TLE3: variants seen among roughly 807,000 people sequenced by gnomAD.
The protein encoded by TLE3 is transducin-like enhancer protein 3.
Under a neutral mutation model 93.0 loss-of-function variants are expected in TLE3, and 14 were observed. The observed-to-expected ratio is 0.15, with a 90% confidence interval of 0.10 to 0.24. TLE3 has a LOEUF of 0.24. Among genes scored for constraint, TLE3 ranks in the 10% least tolerant of loss-of-function variants. The probability of loss-of-function intolerance (pLI) is 1.00; values close to 1 mark genes in which losing one functional copy is unlikely to be tolerated. For missense variants in TLE3, 693 were observed against 1,046.6 expected, an observed-to-expected ratio of 0.66 and a Z score of 4.66; for synonymous variants, 451 against 425.0, an observed-to-expected ratio of 1.06 and a Z score of -0.75.
chr15:70,056,332 G>A lies in TLE3; in HGVS notation c.1294C>T (p.Pro432Ser), dbSNP rs757962171. 1.2e-6 allele frequency: 2 copies of A among 1,613,706 alleles called. No homozygotes were observed. Among genetic ancestry groups the A allele is most frequent in the East Asian group, 2.2e-5 (1 of 44,882 alleles). The change falls in exon 14 of 20, where the codon CCC (proline) becomes TCC (serine). Residue 432 changes from proline to serine, a missense_variant. Physicochemically the swap from Pro to Ser is moderately conservative, Grantham distance 74. Around this residue, in one of 4 missense-constraint regions of TLE3, gnomAD observed 405 missense variants for 468.9 expected, o/e 0.86. Coordinates refer to ENST00000451782, the MANE Select transcript of TLE3 (RefSeq NM_001105192.3). ...CCAGGAATGGAGGCCAGGCTTGAGG[G>A]GAGGCCTGTGGCCCGCATCGGGGGG... ...PHPPMRATGLPSSLASIPGGK... is the reference protein window; with the variant it reads ...PHPPMRATGLSSSLASIPGGK...
chr15:70,053,138 G>C, intron 17 of TLE3, 89 bp downstream of exon 17: 1 of 1,488,448 alleles, frequency 6.7e-7, no homozygotes, highest in Non-Finnish European at 9.0e-7. Context: ...CACTCTGTGA[G>C]GGTCCCTTTG....
At chr15:70,095,986 C>G (rs993767576) in intron 2 of TLE3, 175 bp downstream of exon 2, 3 of 796,616 alleles carry the variant, frequency 3.8e-6, no homozygotes, top group African/African-American at 3.5e-5. Flanking sequence ...CGGGCTGCTG[C>G]GGGCAGTAAA....
At chr15:70,052,971 A>T in intron 17 of TLE3, 8 of 463,536 alleles carry the variant, frequency 1.7e-5, no homozygotes, top group South Asian at 1.4e-4. Context: ...GAGGACGCCG[A>T]GGACAAAGTG....
chr15:70,075,609 C>T (rs2057402124), intron 5 of TLE3, among the ~76,000 whole-genome samples: 1 of 152,186 alleles, frequency 6.6e-6, no homozygotes, highest in African/African-American at 2.4e-5. Context: ...GTCTGGTCGG[C>T]ACCAGGGGGC....
In TLE3 at chr15:70,047,876, C is replaced by A. The variant is rs905882445; in HGVS notation, c.*2221G>T. The A allele has an allele frequency of 2.6e-5, 4 of 152,188 alleles. No individual in the cohort carries two copies. Among genetic ancestry groups the A allele is most frequent in the South Asian group, 2.1e-4 (1 of 4,832 alleles). The allele number at this position is 152,188 out of a possible 1,614,324, so 9.4% of individuals were successfully genotyped here. A position where few individuals can be genotyped will look rare whatever the true frequency, so the allele number is the denominator to read the frequency against. On this transcript the variant is annotated 3_prime_UTR_variant, in exon 20 of 20. Coordinates refer to ENST00000451782, the MANE Select transcript of TLE3 (RefSeq NM_001105192.3). ...CAATACTTTGGTGTTAACCTGTGGT[C>A]TTCCTTCACCTCAGTGAACTCTGCC...
chr15:70,072,288 T>TA (rs1254072359), intron 6 of TLE3, among the ~76,000 whole-genome samples: 2 of 152,090 alleles, frequency 1.3e-5, no homozygotes, highest in Admixed American at 6.6e-5. Flanking sequence ...TCTTAAAACT[T>TA]AAAAAAAATT....
At chr15:70,083,614 A>G (rs1262801619) in intron 4 of TLE3, among the ~76,000 whole-genome samples, 1 of 142,570 alleles carries the variant, frequency 7.0e-6, no homozygotes, top group Non-Finnish European at 1.5e-5. Flanking sequence ...TCCTGCCAGG[A>G]GGAAAAATTC....
At chr15:70,051,360 C>G in intron 19 of TLE3, 31 bp downstream of exon 19, 1 of 1,582,488 alleles carries the variant, frequency 6.3e-7, no homozygotes, top group African/African-American at 1.3e-5. Flanking sequence ...CTGGGTAGAA[C>G]CCAGAGGAGG....
rs74945483 is a variant in TLE3 at position 70,075,060 on chromosome 15, G to A, written c.298-453C>T. Among the ~76,000 whole-genome samples, 1,290 of 152,318 alleles carry A rather than the reference G, an allele frequency of 8.5e-3. 16 individuals carry two copies. Among genetic ancestry groups the A allele is most frequent in the African/African-American group, 0.03 (1,235 of 41,550 alleles). On this transcript the variant is annotated intron_variant, in intron 5 of 19. Transcript: ENST00000451782. ...ATTGTCAGGATATCTGCAATTTACC[G>A]TCAAAGGATTTGGGGAAAAAGTATG...
chr15:70,096,416 G>T (rs528210778), intron 1 of TLE3, 155 bp from the exon 2 acceptor site: 18 of 1,339,340 alleles, frequency 1.3e-5, no homozygotes, highest in Admixed American at 8.5e-5. Flanking sequence ...CGGGGCGGAG[G>T]GGGGGCGCCC....
intron 7 of TLE3, 112 bp from the exon 8 acceptor site, chr15:70,064,582 GTGCACTGGTTTTAAAA>G: frequency 2.8e-6 from 4 of 1,438,516 alleles, no homozygotes; most frequent in Non-Finnish European, 3.8e-6. Context: ...TGATTTGCTA[GTGCACTGGTTTTAAAA>G]TGAGCAGAAG....
At chr15:70,092,795 C>A (rs1276860477) in intron 4 of TLE3, among the ~76,000 whole-genome samples, 3 of 152,246 alleles carry the variant, frequency 2.0e-5, no homozygotes, top group Admixed American at 6.5e-5. Context: ...AGTGCCAAAG[C>A]ACCATTCATT....
chr15:70,095,710 G>C (rs2058522181), intron 2 of TLE3, 69 bp from the exon 3 acceptor site: 1 of 1,523,318 alleles, frequency 6.6e-7, no homozygotes, highest in South Asian at 1.2e-5. Context: ...CCGACCCAAG[G>C]GCCTCTAGAG....
chr15:70,082,332 G>T (rs539399228), intron 4 of TLE3, among the ~76,000 whole-genome samples: 9 of 152,088 alleles, frequency 5.9e-5, no homozygotes, highest in South Asian at 2.1e-4. Context: ...TCCATGGGGG[G>T]GCCGGGGGAC....
At chr15:70,056,709 G>C (rs2056064117) in intron 13 of TLE3, among the ~76,000 whole-genome samples, 2 of 152,156 alleles carry the variant, frequency 1.3e-5, no homozygotes, top group Admixed American at 6.5e-5. Context: ...GAGGTAAAAA[G>C]GAAAACTGTC....
intron 4 of TLE3, among the ~76,000 whole-genome samples, chr15:70,089,824 G>A (rs2058223311): frequency 6.6e-6 from 1 of 152,206 alleles, no homozygotes; most frequent in South Asian, 2.1e-4. Flanking sequence ...TTCCTTGACT[G>A]ACTCACTCCT....
At chr15:70,068,492 G>A (rs925089522) in intron 6 of TLE3, among the ~76,000 whole-genome samples, 1 of 152,194 alleles carries the variant, frequency 6.6e-6, no homozygotes, top group Non-Finnish European at 1.5e-5. Flanking sequence ...AATTCTGCTG[G>A]TGATAACTAT....
Position 70,066,236 on chromosome 15 carries a change from G to A in TLE3, c.373-18C>T. On this transcript the variant is annotated intron_variant, in intron 6 of 19. Coordinates refer to ENST00000451782, the MANE Select transcript of TLE3 (RefSeq NM_001105192.3). Reference sequence around the variant, plus strand: ...TGCTGCTGCTGCAATGAAGTCGGTGGTGAGTACAGCTGAGTTGGGGAGGGC... The same window carrying A: ...TGCTGCTGCTGCAATGAAGTCGGTGATGAGTACAGCTGAGTTGGGGAGGGC... 6.6e-7 allele frequency: 1 copy of A among 1,511,850 alleles called. No individual in the cohort carries two copies. Among genetic ancestry groups the A allele is most frequent in the Non-Finnish European group, 8.8e-7 (1 of 1,130,804 alleles). 93.7% of individuals were successfully genotyped at this position (1,511,850 alleles called of 1,614,324 possible). A position where few individuals can be genotyped will look rare whatever the true frequency, so the allele number is the denominator to read the frequency against.
Position 70,060,543 on chromosome 15 carries a change from C to G in TLE3, c.701G>C (p.Ser234Thr). 1 of 1,613,978 alleles carries G rather than the reference C, an allele frequency of 6.2e-7. No homozygotes were observed. The highest frequency in any genetic ancestry group is 8.5e-7 in the Non-Finnish European group (1 of 1,179,876). Residue 234 changes from serine (S) to threonine (T), a missense_variant, in exon 9 of 20, where the codon AGC (serine) becomes ACC (threonine). Transcript: ENST00000451782. ...AKKRKAEEKD[S>T]LSRYDSDGDK... ...CCTTGGACGTACGTATCGGCTCAAG[C>G]TGTCCTTCTCCTCCGCCTTCCGCTT...
Sources: gnomAD v4.1 joint callset for allele counts (sites outside exome capture counted in the v4.1 genomes callset) on GRCh38, gnomAD v4.1.1 for gene constraint, gnomAD v4.1.1 regional missense constraint, MANE v1.5 for transcripts, NCBI Gene and HGNC (gene_info 2026-07-23, HGNC 2026-07-21) for gene names.